The following CNTN4 variants were observed in gnomAD, a reference collection of about 807,000 sequenced individuals.
The protein encoded by CNTN4 is contactin-4.
Under a neutral mutation model 122.5 loss-of-function variants are expected in CNTN4, and 77 were observed. That is an observed-to-expected ratio of 0.63 (90% confidence interval 0.52 to 0.76). The LOEUF is 0.76. Ranked by LOEUF, CNTN4 falls within the 30% of genes least tolerant of loss-of-function variation. CNTN4 has a pLI of 0.00. For missense variants in CNTN4, 1,256 were observed against 1,259.1 expected (o/e 1.00, Z 0.04); for synonymous variants, 512 against 447.0 (o/e 1.15, Z -1.83).
rs1576527397 is a variant in CNTN4, at chr3:2,709,056, A to C, written c.56-27159A>C. ...ATATCTCTTCTCAGATATCTCATAG[A>C]CCATCCCCCCTCTGCTGCCACTGAA... On this transcript the variant is annotated intron_variant, in intron 4 of 24. Transcript: ENST00000418658. The surrounding 1 kb of genome is among the most constrained non-coding windows in gnomAD (Gnocchi z 5.0). Among the ~76,000 whole-genome samples the C allele has an allele frequency of 6.6e-6, 1 of 152,080 alleles. No individual in the cohort carries two copies. The highest frequency in any genetic ancestry group is 1.9e-4 in the East Asian group (1 of 5,170).
At chr3:2,479,010 C>A (rs2075910150) in intron 3 of CNTN4, among the ~76,000 whole-genome samples, 1 of 152,030 alleles carries the variant, frequency 6.6e-6, no homozygotes, top group Admixed American at 6.6e-5. Flanking sequence ...CTTATCTTAA[C>A]TGCATATTCT....
At chr3:2,622,843 A>C (rs1388950646) in intron 4 of CNTN4, among the ~76,000 whole-genome samples, 2 of 152,212 alleles carry the variant, frequency 1.3e-5, no homozygotes, top group Non-Finnish European at 2.9e-5. Flanking sequence ...CTGAGATCTG[A>C]GACTGGTGCA....
At chr3:2,727,351 A>G (rs1210983996) in intron 4 of CNTN4, among the ~76,000 whole-genome samples, 1 of 152,216 alleles carries the variant, frequency 6.6e-6, no homozygotes, top group African/African-American at 2.4e-5. Flanking sequence ...ATAGTCTCCC[A>G]TCAGTTCCCA....
chr3:3,046,537 C>A (rs7612308), intron 23 of CNTN4, among the ~76,000 whole-genome samples: 40,271 of 151,668 alleles, frequency 0.27, 5,716 homozygotes, highest in Middle Eastern at 0.35. Flanking sequence ...TAAGCTTCAT[C>A]AGTGAAGGAG....
chr3:2,601,238 G>C (rs1343115567), intron 4 of CNTN4, among the ~76,000 whole-genome samples: 1 of 152,096 alleles, frequency 6.6e-6, no homozygotes, highest in East Asian at 1.9e-4. Flanking sequence ...GGCTTTTGTT[G>C]CCATTGCTTT....
chr3:2,621,517 G>A (rs796129567), intron 4 of CNTN4, among the ~76,000 whole-genome samples: 90 of 152,202 alleles, frequency 5.9e-4, no homozygotes, highest in African/African-American at 2.0e-3. Context: ...GGCTAGTGGA[G>A]GGATAGCATT....
At chr3:2,754,825 A>C (rs564940463) in intron 6 of CNTN4, among the ~76,000 whole-genome samples, 15 of 152,160 alleles carry the variant, frequency 9.9e-5, no homozygotes, top group Admixed American at 6.5e-5. Flanking sequence ...AGGTTAATTT[A>C]AGTTAGCCTT....
intron 14 of CNTN4, among the ~76,000 whole-genome samples, chr3:3,013,656 TC>T (rs1312370750): frequency 6.6e-6 from 1 of 151,298 alleles, no homozygotes; most frequent in East Asian, 1.9e-4. Flanking sequence ...AGATAACCTT[TC>T]TGTGGAAAGC....
chr3:2,159,826 CT>C (rs200520170), intron 2 of CNTN4, among the ~76,000 whole-genome samples: 2,190 of 143,312 alleles, frequency 0.015, 39 homozygotes, highest in African/African-American at 0.044. Flanking sequence ...TGACACAGCT[CT>C]TTTTTTTTTT....
At chr3:2,617,117 C>G (rs1488708858) in intron 4 of CNTN4, among the ~76,000 whole-genome samples, 1 of 152,102 alleles carries the variant, frequency 6.6e-6, no homozygotes, top group African/African-American at 2.4e-5. Flanking sequence ...AAAGCAACGG[C>G]AACAAAAGCC....
At chr3:2,943,634 T>A (rs867666472) in intron 13 of CNTN4, among the ~76,000 whole-genome samples, 2 of 139,208 alleles carry the variant, frequency 1.4e-5, no homozygotes, top group African/African-American at 5.3e-5. Flanking sequence ...ATATATATTT[T>A]TTTTTTTTGA....
chr3:2,947,097 C>T (rs1178595035), intron 13 of CNTN4, among the ~76,000 whole-genome samples: 4 of 152,178 alleles, frequency 2.6e-5, no homozygotes, highest in African/African-American at 9.7e-5. Flanking sequence ...CCATACAATC[C>T]TTGTATCCCA....
chr3:3,010,863 G>A (rs1184101812), intron 14 of CNTN4, among the ~76,000 whole-genome samples: 1 of 152,088 alleles, frequency 6.6e-6, no homozygotes, highest in Non-Finnish European at 1.5e-5. Flanking sequence ...AACATGATAA[G>A]CATTCTAAAT....
intron 3 of CNTN4, among the ~76,000 whole-genome samples, chr3:2,426,074 G>A (rs2047819147): frequency 6.6e-6 from 1 of 152,130 alleles, no homozygotes; most frequent in Admixed American, 6.6e-5. Context: ...TCTCCTGCCT[G>A]ATTGCCCTGG....
intron 2 of CNTN4, among the ~76,000 whole-genome samples, chr3:2,229,771 T>A (rs2039416704): frequency 6.6e-6 from 1 of 152,228 alleles, no homozygotes. Context: ...ACCTGCTGAA[T>A]AAGTACTAAT....
intron 2 of CNTN4, among the ~76,000 whole-genome samples, chr3:2,239,944 A>G (rs1153520): frequency 0.82 from 125,143 of 152,154 alleles, 51,760 homozygotes; most frequent in African/African-American, 0.88. Flanking sequence ...CCTCATAACC[A>G]TGTTAGCTCA....
At chr3:2,194,462 A>G (rs910243418) in intron 2 of CNTN4, among the ~76,000 whole-genome samples, 6 of 152,170 alleles carry the variant, frequency 3.9e-5, no homozygotes, top group Admixed American at 1.3e-4. Flanking sequence ...CCCCATGTCA[A>G]CAGAAAAGAA....
At chr3:2,590,689 G>A (rs1055574088) in intron 4 of CNTN4, among the ~76,000 whole-genome samples, 22 of 151,696 alleles carry the variant, frequency 1.5e-4, no homozygotes, top group African/African-American at 4.6e-4. Context: ...CATGTCAACC[G>A]CTTCCTAACT....
chr3:2,591,975 T>TC (rs2080516673), intron 4 of CNTN4, among the ~76,000 whole-genome samples: 1 of 152,128 alleles, frequency 6.6e-6, no homozygotes, highest in African/African-American at 2.4e-5. Flanking sequence ...ACTCCTGGGC[T>TC]CAAGGCATCC....
Sources: gnomAD v4.1 joint callset for allele counts (sites outside exome capture counted in the v4.1 genomes callset) on GRCh38, gnomAD v4.1.1 for gene constraint, Gnocchi (gnomAD v3.1) non-coding constraint, MANE v1.5 for transcripts, NCBI Gene and HGNC (gene_info 2026-07-23, HGNC 2026-07-21) for gene names.